SLC7A8: variants seen among roughly 807,000 people sequenced by gnomAD.
The protein encoded by SLC7A8 is solute carrier family 7 member 8.
A neutral mutation model predicts 51.2 loss-of-function variants in SLC7A8; 30 were observed. That is an observed-to-expected ratio of 0.59 (90% CI 0.44 to 0.80). The LOEUF is 0.80. SLC7A8 is among the 30% of genes least tolerant of loss of function. SLC7A8 has a pLI of 0.00. For synonymous variants in SLC7A8, 257 were observed against 275.8 expected (o/e 0.93, Z 0.67); for missense variants, 612 against 674.4 (o/e 0.91, Z 1.03).
chr14:23,180,080 T>C (rs1566376501), intron 1 of SLC7A8, among the ~76,000 whole-genome samples: 1 of 151,824 alleles, frequency 6.6e-6, no homozygotes, highest in Non-Finnish European at 1.5e-5. Context: ...TAATTTTTTG[T>C]ATTTTTTAGT....
At chr14:23,179,824 G>A (rs905191528) in intron 1 of SLC7A8, among the ~76,000 whole-genome samples, 18 of 151,368 alleles carry the variant, frequency 1.2e-4, no homozygotes, top group Non-Finnish European at 2.5e-4. Flanking sequence ...AAAAAAGAAA[G>A]AAAGAAAGAA....
At chr14:23,141,480 C>T (rs536097924) in intron 4 of SLC7A8, among the ~76,000 whole-genome samples, 6 of 152,258 alleles carry the variant, frequency 3.9e-5, no homozygotes, top group Non-Finnish European at 5.9e-5. Flanking sequence ...GACGGAGTCT[C>T]GCTCTGTCGC....
rs750214036 is a variant in SLC7A8 at position 23,165,477 on chromosome 14, G to T, written c.357-41C>A. 6.4e-7 allele frequency: 1 copy of T among 1,555,314 alleles called. No homozygotes were observed. The highest frequency in any genetic ancestry group is 1.7e-4 in the Middle Eastern group (1 of 5,912). On this transcript the variant is annotated intron_variant, in intron 2 of 10. Transcript: ENST00000316902. The surrounding 1 kb of genome is among the most constrained non-coding windows in gnomAD (Gnocchi z 4.2). ...GACATCCGCCGAAAGGCATGGCAGG[G>T]ACGCAGAGCCATCAGGGGAGAGCCC...
chr14:23,129,717 T>C lies in SLC7A8; in HGVS notation c.1196A>G (p.Tyr399Cys), dbSNP rs751100851. The change falls in exon 9 of 11, where the codon TAT becomes TGT. Residue 399 changes from tyrosine to cysteine, a missense_variant. Coordinates refer to ENST00000316902, the MANE Select transcript of SLC7A8 (RefSeq NM_012244.4). The stretch of plus-strand genomic sequence containing the variant: ...TATCTGTCCAGCAACCGTGACCCCA[T>C]AGAAGAGGTAGTTGATGAAGCCCAC... The part of the protein sequence containing the change: ...NYVGFINYLF[Y>C]GVTVAGQIVL... The C allele has an allele frequency of 3.1e-6, 5 of 1,614,174 alleles. No homozygotes were observed. In the East Asian group the frequency reaches 8.9e-5, roughly 29 times the overall value.
At chr14:23,173,975 T>C (rs1413437210) in intron 1 of SLC7A8, among the ~76,000 whole-genome samples, 1 of 152,200 alleles carries the variant, frequency 6.6e-6, no homozygotes, top group Non-Finnish European at 1.5e-5. Flanking sequence ...AAACTTCCAT[T>C]GCACAGCTAA....
At chr14:23,149,297 C>T (rs1000567601) in intron 3 of SLC7A8, among the ~76,000 whole-genome samples, 3 of 152,106 alleles carry the variant, frequency 2.0e-5, no homozygotes, top group African/African-American at 7.2e-5. Context: ...TAGAGAAATC[C>T]AGGGCAAAAG....
chr14:23,154,310 CCA>C (rs2048872378), intron 3 of SLC7A8: 3 of 1,000,390 alleles, frequency 3.0e-6, no homozygotes, highest in Middle Eastern at 5.2e-4. Context: ...TGGCCAGCTC[CCA>C]CAGACTCCCT....
chr14:23,127,034 T>A lies in SLC7A8; in HGVS notation c.*143A>T, dbSNP rs1417946220. On this transcript the variant is annotated 3_prime_UTR_variant, in exon 11 of 11. Coordinates refer to ENST00000316902, the MANE Select transcript of SLC7A8 (RefSeq NM_012244.4). ...AATGTCAGTTTTTGTTTACAATTTC[T>A]CACCACCCACACCAAAGTCCTACCA... 8.9e-6 allele frequency: 9 copies of A among 1,014,832 alleles called. 1 individual carries two copies. In the Admixed American group the frequency reaches 1.0e-4, roughly 11 times the overall value. The allele number at this position is 1,014,832 out of a possible 1,614,324, so 62.9% of individuals were successfully genotyped here.
intron 3 of SLC7A8, among the ~76,000 whole-genome samples, chr14:23,162,854 T>C (rs2048931028): frequency 6.6e-6 from 1 of 152,148 alleles, no homozygotes; most frequent in Non-Finnish European, 1.5e-5. Flanking sequence ...CTGGCTCCTC[T>C]CCTAGGGTGC....
chr14:23,166,162 C>G (rs533387881), intron 2 of SLC7A8, among the ~76,000 whole-genome samples, 174 bp downstream of exon 2: 1 of 152,248 alleles, frequency 6.6e-6, no homozygotes, highest in Non-Finnish European at 1.5e-5. Flanking sequence ...CAAGGGGATA[C>G]AAGGCTACAC....
At chr14:23,131,992 A>C in intron 7 of SLC7A8, among the ~76,000 whole-genome samples, 1 of 149,640 alleles carries the variant, frequency 6.7e-6, no homozygotes. Flanking sequence ...AGCTTTAAAA[A>C]CACTCTATTT....
chr14:23,137,622 C>T lies in SLC7A8; in HGVS notation c.1016+299G>A, dbSNP rs184269950. On this transcript the variant is annotated intron_variant, in intron 7 of 10. Transcript: ENST00000316902. ...AACCACAGCCACTGACTGGGGGCGG[C>T]GTCAGGCAGGCTGGCGGCCTCCTCT... Among the ~76,000 whole-genome samples the T allele has an allele frequency of 8.5e-4, 129 of 152,320 alleles. 4 individuals are homozygous for T. In the East Asian group the frequency reaches 0.023, roughly 27 times the overall value.
chr14:23,134,221 T>A (rs569324743), intron 7 of SLC7A8, among the ~76,000 whole-genome samples: 5 of 151,546 alleles, frequency 3.3e-5, no homozygotes, highest in Admixed American at 2.6e-4. Context: ...AGAGAAAAAA[T>A]TTTAAAAATC....
At chr14:23,138,193 T>A (rs936351371) in intron 6 of SLC7A8, 169 bp from the exon 7 acceptor site, 1 of 719,022 alleles carries the variant, frequency 1.4e-6, no homozygotes, top group African/African-American at 1.8e-5. Context: ...CTACACAGGG[T>A]GGTTAATGCA....
chr14:23,139,274 A>G (rs1468942458), intron 6 of SLC7A8, 150 bp downstream of exon 6: 1 of 1,228,540 alleles, frequency 8.1e-7, no homozygotes, highest in Non-Finnish European at 1.2e-6. Flanking sequence ...AAGATACCCC[A>G]GCCAATGACA....
chr14:23,139,359 G>A, intron 6 of SLC7A8, 65 bp downstream of exon 6: 5 of 1,608,872 alleles, frequency 3.1e-6, no homozygotes, highest in Non-Finnish European at 4.2e-6. Context: ...AAAGTGAGTG[G>A]GGCTACAGCA....
chr14:23,181,189 G>A (rs1877160529), intron 1 of SLC7A8, among the ~76,000 whole-genome samples: 1 of 152,124 alleles, frequency 6.6e-6, no homozygotes, highest in Admixed American at 6.6e-5. Context: ...TCAAATTGGT[G>A]AACGGGCTAT....
At chr14:23,129,439 TTCCCCAGCTG>T (rs762050340) in intron 9 of SLC7A8, 7 of 548,288 alleles carry the variant, frequency 1.3e-5, no homozygotes, top group Non-Finnish European at 2.2e-5. Flanking sequence ...ATCTGACTTA[TTCCCCAGCTG>T]CAGTCTGCTC....
At chr14:23,148,797 C>A (rs984937898) in intron 3 of SLC7A8, among the ~76,000 whole-genome samples, 3 of 152,220 alleles carry the variant, frequency 2.0e-5, no homozygotes, top group African/African-American at 7.2e-5. Context: ...TGAAGAAATT[C>A]AGGCCTGCTG....
Sources: gnomAD v4.1 joint callset for allele counts (sites outside exome capture counted in the v4.1 genomes callset) on GRCh38, gnomAD v4.1.1 for gene constraint, Gnocchi (gnomAD v3.1) non-coding constraint, MANE v1.5 for transcripts, NCBI Gene and HGNC (gene_info 2026-07-23, HGNC 2026-07-21) for gene names.